Variants in TMEM164 observed in about 807,000 individuals in gnomAD.
The protein encoded by TMEM164 is RP13-360B22.2.
Under a neutral mutation model 18.8 loss-of-function variants are expected in TMEM164, and 4 were observed. That is an observed-to-expected ratio of 0.21 (90% CI 0.10 to 0.49). TMEM164 has a LOEUF of 0.49. Among genes scored for constraint, TMEM164 ranks in the 20% least tolerant of loss-of-function variants. The pLI is 0.98. For missense variants in TMEM164, 108 were observed against 239.9 expected (o/e 0.45, Z 3.63); for synonymous variants, 86 against 101.7 (o/e 0.85, Z 0.93).
chrX:110,027,286 T>A (rs941347343), intron 2 of TMEM164, among the ~76,000 whole-genome samples: 1 of 111,998 alleles, frequency 8.9e-6, no homozygotes, highest in Non-Finnish European at 1.9e-5. Context: ...TTTTCTTCTG[T>A]TGAGATGATC....
intron 2 of TMEM164, among the ~76,000 whole-genome samples, 193 bp from the exon 3 acceptor site, chrX:110,067,154 G>GCACACACA (rs56336159): frequency 1.9e-4 from 19 of 101,610 alleles, no homozygotes; most frequent in African/African-American, 6.5e-4. Flanking sequence ...TCATGTGTGC[G>GCACACACA]CACACACACA....
At chrX:110,107,587 T>C (rs992810134) in intron 3 of TMEM164, among the ~76,000 whole-genome samples, 4 of 110,729 alleles carry the variant, frequency 3.6e-5, no homozygotes, top group African/African-American at 9.9e-5. Context: ...TGTGCCATTC[T>C]CCGGGGTCTC....
chrX:110,046,972 T>C (rs1045046269), intron 2 of TMEM164, among the ~76,000 whole-genome samples: 1 of 112,164 alleles, frequency 8.9e-6, no homozygotes, highest in Non-Finnish European at 1.9e-5. Context: ...CCCAGAACTA[T>C]TGAGTCCGGA....
chrX:110,124,280 GTTA>G (rs1414887010), intron 4 of TMEM164, among the ~76,000 whole-genome samples: 2 of 111,042 alleles, frequency 1.8e-5, no homozygotes, highest in East Asian at 2.8e-4. Flanking sequence ...GTACATCATA[GTTA>G]TTATGAGGAT....
At chrX:110,090,161 C>G (rs2065904098) in intron 3 of TMEM164, among the ~76,000 whole-genome samples, 1 of 110,999 alleles carries the variant, frequency 9.0e-6, no homozygotes. Context: ...TTGTGCGGCC[C>G]CATTTGGTTC....
intron 3 of TMEM164, among the ~76,000 whole-genome samples, chrX:110,087,237 T>G (rs1322512276): frequency 1.8e-5 from 2 of 112,029 alleles, no homozygotes; most frequent in Non-Finnish European, 3.8e-5. Flanking sequence ...GTCAACTGTT[T>G]ATACAGCCTC....
chrX:110,021,976 C>T (rs963441239), intron 2 of TMEM164, among the ~76,000 whole-genome samples: 68 of 111,329 alleles, frequency 6.1e-4, no homozygotes, highest in African/African-American at 2.2e-3. Flanking sequence ...TCAGAGTCCT[C>T]AACCCTGGCT....
chrX:110,042,277 G>A (rs919288831), intron 2 of TMEM164, among the ~76,000 whole-genome samples: 1 of 110,587 alleles, frequency 9.0e-6, no homozygotes, highest in African/African-American at 3.3e-5. Flanking sequence ...GTTATCGGTG[G>A]AATCATATAA....
At chrX:110,099,047 C>A (rs2066070486) in intron 3 of TMEM164, among the ~76,000 whole-genome samples, 1 of 107,280 alleles carries the variant, frequency 9.3e-6, no homozygotes, top group Non-Finnish European at 1.9e-5. Context: ...ATCTGCCCAC[C>A]TTGGCCTCCC....
chrX:110,012,042 G>GTC (rs1408863752), intron 2 of TMEM164, among the ~76,000 whole-genome samples: 4 of 111,677 alleles, frequency 3.6e-5, no homozygotes, highest in Non-Finnish European at 5.6e-5. Context: ...TCTCTGTGCT[G>GTC]TCCCAAGGAG....
At chrX:110,078,952 G>A (rs1212976496) in intron 3 of TMEM164, among the ~76,000 whole-genome samples, 6 of 112,105 alleles carry the variant, frequency 5.4e-5, no homozygotes, top group African/African-American at 1.6e-4. Context: ...CAGAAGCTCC[G>A]TGAACGTCAA....
intron 3 of TMEM164, among the ~76,000 whole-genome samples, chrX:110,083,799 T>C (rs773751119): frequency 8.9e-6 from 1 of 112,020 alleles, no homozygotes; most frequent in African/African-American, 3.2e-5. Context: ...TTATTATATT[T>C]TCAAACTAGT....
chrX:110,013,835 C>T (rs1933147538), intron 2 of TMEM164, among the ~76,000 whole-genome samples: 1 of 111,755 alleles, frequency 8.9e-6, no homozygotes, highest in Non-Finnish European at 1.9e-5. Flanking sequence ...TTATTGTGTG[C>T]ACTAAATAAA....
chrX:110,020,023 C>T (rs186396944), intron 2 of TMEM164, among the ~76,000 whole-genome samples: 494 of 112,147 alleles, frequency 4.4e-3, no homozygotes, highest in Non-Finnish European at 7.9e-3. Context: ...TGCTAGTTAT[C>T]ATTCAAGGCT....
chrX:110,125,910 A>G (rs1401108595), intron 4 of TMEM164, among the ~76,000 whole-genome samples: 1 of 112,583 alleles, frequency 8.9e-6, no homozygotes, highest in Non-Finnish European at 1.9e-5. Context: ...CTACTGATTT[A>G]GCAACAGACA....
At chrX:110,162,705 T>G (rs905048200) in intron 5 of TMEM164, among the ~76,000 whole-genome samples, 1 of 112,037 alleles carries the variant, frequency 8.9e-6, no homozygotes, top group Admixed American at 9.4e-5. Flanking sequence ...AGCCACAGCT[T>G]ACAAAGGCTA....
Position 110,173,627 on chromosome X carries a change from C to A in TMEM164, c.*176C>A. 1 of 468,137 alleles carries A rather than the reference C, an allele frequency of 2.1e-6. No individual in the cohort carries two copies. Among genetic ancestry groups the A allele is most frequent in the Admixed American group, 4.0e-5 (1 of 25,099 alleles). 38.6% of individuals were successfully genotyped at this position (468,137 alleles called of 1,213,427 possible). ...CTTCCTTTCCCAGCTCTTCCCCCTA[C>A]GATGTCTCCTTGAGCCTGGGGTGTA... On this transcript the variant is annotated 3_prime_UTR_variant, in exon 7 of 7. Coordinates refer to ENST00000372068, the MANE Select transcript of TMEM164 (RefSeq NM_032227.4).
chrX:110,045,475 C>A (rs1935280082), intron 2 of TMEM164, among the ~76,000 whole-genome samples: 1 of 111,402 alleles, frequency 9.0e-6, no homozygotes, highest in Admixed American at 9.5e-5. Context: ...TTTTACTATG[C>A]CTTCTGGTCC....
rs751731980 is a variant in TMEM164, at chrX:110,169,350, C to T, written c.587-2070C>T. Among the ~76,000 whole-genome samples, 11 of 111,720 alleles carry T rather than the reference C, an allele frequency of 9.8e-5. No homozygotes were observed. The South Asian group carries it at 3.8e-3, about 38-fold the overall frequency. On this transcript the variant is annotated intron_variant, in intron 5 of 6. Coordinates refer to ENST00000372068, the MANE Select transcript of TMEM164 (RefSeq NM_032227.4). ...TCTCCCTTACCAACCCCCATCTCCC[C>T]AACAATCTTCTCCAATCTTCTTCCA...
Sources: allele counts gnomAD v4.1 joint callset (sites outside exome capture counted in the v4.1 genomes callset), GRCh38; gene constraint gnomAD v4.1.1; transcripts MANE v1.5; gene names NCBI Gene and HGNC (gene_info 2026-07-23, HGNC 2026-07-21).